GIPC2: variants seen among roughly 807,000 people sequenced by gnomAD.
GIPC2 encodes PDZ domain-containing protein GIPC2.
In GIPC2, 30 loss-of-function variants were observed where a neutral mutation model predicts 30.6. The ratio of observed to expected loss-of-function variants is 0.98; its 90% CI spans 0.73 to 1.33. The LOEUF (loss-of-function observed/expected upper bound fraction) is 1.33, where lower values mean the gene tolerates loss of function less well. GIPC2 is among the 40% of genes most tolerant of loss of function. The pLI is 0.00. For missense variants in GIPC2, 414 were observed against 390.3 expected (o/e 1.06, Z -0.51); for synonymous variants, 167 against 150.0 (o/e 1.11, Z -0.83).
rs1449436797 is a variant in GIPC2, at chr1:78,135,981, A to C, written c.*238A>C. On this transcript the variant is annotated 3_prime_UTR_variant, in exon 6 of 6. Transcript: ENST00000370759. ...TAAGGATCAATTGTAATATTCATTC[A>C]AAAGGTTTTTAAAAGTAAGTTTTAA... The C allele has an allele frequency of 3.0e-6, 1 of 338,698 alleles. No homozygotes were observed. Among genetic ancestry groups the C allele is most frequent in the African/African-American group, 2.1e-5 (1 of 46,704 alleles). 21.0% of individuals were successfully genotyped at this position (338,698 alleles called of 1,614,324 possible).
chr1:78,070,247 A>T (rs1661591968), intron 1 of GIPC2, among the ~76,000 whole-genome samples: 1 of 152,068 alleles, frequency 6.6e-6, no homozygotes, highest in African/African-American at 2.4e-5. Flanking sequence ...ATGTATAATT[A>T]TGATGTTTTA....
chr1:78,098,071 C>A (rs1662172074), intron 3 of GIPC2, among the ~76,000 whole-genome samples: 1 of 152,166 alleles, frequency 6.6e-6, no homozygotes, highest in Admixed American at 6.5e-5. Flanking sequence ...TGTTCTGCAG[C>A]CACAGCAGTA....
chr1:78,081,016 G>A (rs1384893518), intron 2 of GIPC2, among the ~76,000 whole-genome samples, 156 bp downstream of exon 2: 2 of 152,144 alleles, frequency 1.3e-5, no homozygotes, highest in East Asian at 3.8e-4. Flanking sequence ...AAAATGTTCA[G>A]ATGTCAGTTT....
intron 1 of GIPC2, among the ~76,000 whole-genome samples, chr1:78,073,195 C>T (rs1353342477): frequency 2.6e-5 from 4 of 151,738 alleles, no homozygotes; most frequent in African/African-American, 4.9e-5. Context: ...CCTCTACCTC[C>T]TGGGTTCAAG....
At chr1:78,112,828 G>C (rs1375563053) in intron 3 of GIPC2, among the ~76,000 whole-genome samples, 1 of 152,112 alleles carries the variant, frequency 6.6e-6, no homozygotes, top group African/African-American at 2.4e-5. Flanking sequence ...TATTGAAAAT[G>C]TCAGTTAAAA....
At chr1:78,046,674 C>T (rs1557523027) in intron 1 of GIPC2, among the ~76,000 whole-genome samples, 1 of 152,136 alleles carries the variant, frequency 6.6e-6, no homozygotes, top group Non-Finnish European at 1.5e-5. Context: ...CCTTCCCAGA[C>T]TCGAGATCTG....
At chr1:78,103,593 C>T (rs1173626493) in intron 3 of GIPC2, among the ~76,000 whole-genome samples, 2 of 152,124 alleles carry the variant, frequency 1.3e-5, no homozygotes, top group Admixed American at 6.5e-5. Flanking sequence ...CAGTGGCAGG[C>T]GTAAGTGTGG....
intron 5 of GIPC2, among the ~76,000 whole-genome samples, chr1:78,128,904 C>G (rs1557552511): frequency 6.6e-6 from 1 of 151,978 alleles, no homozygotes; most frequent in Non-Finnish European, 1.5e-5. Flanking sequence ...ACTTGAGAGT[C>G]TGAGGCAGGA....
chr1:78,075,313 G>A (rs1482913098), intron 1 of GIPC2, among the ~76,000 whole-genome samples: 1 of 152,120 alleles, frequency 6.6e-6, no homozygotes, highest in African/African-American at 2.4e-5. Context: ...AAAATTAGCT[G>A]TGTTTGGTAG....
At chr1:78,125,600 T>G (rs1662767291) in intron 4 of GIPC2, among the ~76,000 whole-genome samples, 1 of 152,264 alleles carries the variant, frequency 6.6e-6, no homozygotes, top group South Asian at 2.1e-4. Flanking sequence ...ACATGTTATT[T>G]ATTTTCACAT....
At chr1:78,050,980 G>A (rs1571470061) in intron 1 of GIPC2, among the ~76,000 whole-genome samples, 1 of 152,058 alleles carries the variant, frequency 6.6e-6, no homozygotes, top group Non-Finnish European at 1.5e-5. Context: ...AAACTCTCGA[G>A]CTATGGTCAT....
At position 78,091,486 on chromosome 1, in the gene GIPC2, T is replaced by G. The variant is rs56140793; in HGVS notation, c.427-3466T>G. 3.6e-3 allele frequency: 2,462 copies of G among 675,856 alleles called. 43 individuals are homozygous for G. In the African/African-American group the frequency reaches 0.04, roughly 11 times the overall value. 41.9% of individuals were successfully genotyped at this position (675,856 alleles called of 1,614,324 possible). ...TGGCTCTACCTTCCCTGTTTTCACC[T>G]CCCGCTGCGCTAATGGCTCCCAAAG... On this transcript the variant is annotated intron_variant, in intron 2 of 5. Transcript: ENST00000370759.
Position 78,135,812 on chromosome 1 carries a change from A to G in GIPC2, c.*69A>G. 1 of 1,346,068 alleles carries G rather than the reference A, an allele frequency of 7.4e-7. No individual in the cohort carries two copies. Among genetic ancestry groups the G allele is most frequent in the Non-Finnish European group, 1.0e-6 (1 of 965,132 alleles). The allele number at this position is 1,346,068 out of a possible 1,614,324, so 83.4% of individuals were successfully genotyped here. The stretch of plus-strand genomic sequence containing the variant: ...TTTCTCTTTTTTAAAAAGTCCTATA[A>G]GATCTGTTTTTGGACACCTTTACTA... On this transcript the variant is annotated 3_prime_UTR_variant, in exon 6 of 6. Coordinates refer to ENST00000370759, the MANE Select transcript of GIPC2 (RefSeq NM_017655.6).
At chr1:78,132,020 C>T (rs554019897) in intron 5 of GIPC2, among the ~76,000 whole-genome samples, 1 of 152,318 alleles carries the variant, frequency 6.6e-6, no homozygotes, top group South Asian at 2.1e-4. Context: ...ACCACAGTAC[C>T]TCTCCAAGAG....
At chr1:78,113,237 G>A (rs1408845611) in intron 3 of GIPC2, among the ~76,000 whole-genome samples, 1 of 151,996 alleles carries the variant, frequency 6.6e-6, no homozygotes, top group Non-Finnish European at 1.5e-5. Flanking sequence ...ACAGATATGT[G>A]AAATGATGGC....
At chr1:78,061,218 C>T (rs1012004920) in intron 1 of GIPC2, among the ~76,000 whole-genome samples, 3 of 152,192 alleles carry the variant, frequency 2.0e-5, no homozygotes, top group Non-Finnish European at 4.4e-5. Context: ...CAAACGTGTT[C>T]CTTGACACTG....
At chr1:78,052,641 G>T (rs553843578) in intron 1 of GIPC2, among the ~76,000 whole-genome samples, 10 of 152,174 alleles carry the variant, frequency 6.6e-5, no homozygotes, top group African/African-American at 2.4e-4. Flanking sequence ...TATATTTAAG[G>T]TATACAACAC....
intron 4 of GIPC2, among the ~76,000 whole-genome samples, chr1:78,125,362 A>AT (rs1466102102): frequency 3.3e-5 from 5 of 151,936 alleles, no homozygotes; most frequent in East Asian, 1.9e-4. Flanking sequence ...TAATTAATTA[A>AT]TTTTTTTTGT....
rs1038130560 is a variant in GIPC2 at position 78,098,923 on chromosome 1, C to T, written c.607+3791C>T. On this transcript the variant is annotated intron_variant, in intron 3 of 5. Transcript: ENST00000370759. ...TCCTGAACTTCTGGCCTCTAGAACT[C>T]TGAGAAAATAAATTTCTATTGTTTA... Among the ~76,000 whole-genome samples the T allele has an allele frequency of 3.9e-5, 6 of 152,082 alleles. No homozygotes were observed. In the South Asian group the frequency reaches 1.2e-3, roughly 31 times the overall value.
Sources: allele counts gnomAD v4.1 joint callset (sites outside exome capture counted in the v4.1 genomes callset), GRCh38; gene constraint gnomAD v4.1.1; transcripts MANE v1.5; gene names NCBI Gene and HGNC (gene_info 2026-07-23, HGNC 2026-07-21).